Variants in DERA observed in about 807,000 individuals in gnomAD.
DERA encodes the protein 2-deoxy-D-ribose 5-phosphate aldolase.
DERA carries 15 observed loss-of-function variants against 41.1 expected under a neutral mutation model. The observed-to-expected ratio is 0.37, with a 90% CI of 0.24 to 0.56. The LOEUF (loss-of-function observed/expected upper bound fraction) is 0.56, where lower values mean the gene tolerates loss of function less well. Among genes scored for constraint, DERA ranks in the 20% least tolerant of loss-of-function variants. The probability of loss-of-function intolerance (pLI) is 0.81; values close to 1 mark genes in which losing one functional copy is unlikely to be tolerated. For synonymous variants in DERA, 139 were observed against 137.4 expected, an observed-to-expected ratio of 1.01 and a Z score of -0.08; for missense variants, 396 against 403.4, an observed-to-expected ratio of 0.98 and a Z score of 0.16.
chr12:15,977,776 T>C (rs991076219), intron 5 of DERA, among the ~76,000 whole-genome samples: 4 of 152,188 alleles, frequency 2.6e-5, no homozygotes, highest in Admixed American at 1.3e-4. Context: ...ATGCTTCACA[T>C]GGGAAGTGTG....
chr12:15,919,865 C>G (rs144922312), intron 1 of DERA, among the ~76,000 whole-genome samples: 173 of 152,232 alleles, frequency 1.1e-3, no homozygotes, highest in African/African-American at 4.0e-3. Flanking sequence ...ATGCTAAGGT[C>G]TTTAAAGTCT....
At chr12:15,997,697 C>T (rs1385955889) in intron 6 of DERA, among the ~76,000 whole-genome samples, 1 of 152,066 alleles carries the variant, frequency 6.6e-6, no homozygotes, top group African/African-American at 2.4e-5. Context: ...CCATAAAATC[C>T]ATTGATTGTA....
chr12:15,937,355 A>G (rs1486527776), intron 1 of DERA, among the ~76,000 whole-genome samples: 2 of 152,242 alleles, frequency 1.3e-5, no homozygotes, highest in African/African-American at 4.8e-5. Context: ...TGTATTTTAC[A>G]TATCATATCA....
chr12:15,963,008 A>G, intron 5 of DERA, 61 bp downstream of exon 5: 1 of 1,556,488 alleles, frequency 6.4e-7, no homozygotes, highest in Non-Finnish European at 8.7e-7. Flanking sequence ...TCAGATGATG[A>G]GGTAAGATGT....
chr12:16,027,806 A>G (rs543316315), intron 6 of DERA, among the ~76,000 whole-genome samples: 8 of 152,210 alleles, frequency 5.3e-5, no homozygotes, highest in Non-Finnish European at 1.0e-4. Flanking sequence ...GTCTTTGTTT[A>G]CAAACATGAT....
At position 15,957,730 on chromosome 12, in the gene DERA, G is replaced by A. The variant is rs1434117999; in HGVS notation, c.130-458G>A. 6.6e-6 allele frequency among the ~76,000 whole-genome samples: 1 copy of A among 152,158 alleles called. No homozygotes were observed. Among genetic ancestry groups the A allele is most frequent in the East Asian group, 1.9e-4 (1 of 5,196 alleles). On this transcript the variant is annotated intron_variant, in intron 2 of 8. Coordinates refer to ENST00000428559, the MANE Select transcript of DERA (RefSeq NM_015954.4). This position sits in a 1 kb window ranked among gnomAD's most constrained non-coding sequence, Gnocchi z 4.8. ...AAATATGAATATTGTTTTAAAAATG[G>A]AATTGGATTAAATTGAAAAAACACC...
chr12:15,978,894 T>G (rs1948715816), intron 5 of DERA, among the ~76,000 whole-genome samples: 1 of 152,212 alleles, frequency 6.6e-6, no homozygotes, highest in African/African-American at 2.4e-5. Flanking sequence ...TGTCCTTATC[T>G]ATTCGTGTGT....
chr12:15,937,664 T>C (rs1286735258), intron 1 of DERA, among the ~76,000 whole-genome samples: 4 of 152,224 alleles, frequency 2.6e-5, no homozygotes, highest in Admixed American at 1.3e-4. Flanking sequence ...GTTTTTCTTC[T>C]CCCTTCTCCT....
intron 1 of DERA, among the ~76,000 whole-genome samples, chr12:15,934,357 C>T (rs968194931): frequency 7.2e-5 from 11 of 152,140 alleles, no homozygotes; most frequent in Admixed American, 6.5e-4. Context: ...GAGGCCGAGG[C>T]GGGTGAATCA....
At chr12:15,946,671 A>C (rs951065892) in intron 1 of DERA, among the ~76,000 whole-genome samples, 1 of 152,028 alleles carries the variant, frequency 6.6e-6, no homozygotes, top group African/African-American at 2.4e-5. Context: ...CTTTTCAAAA[A>C]ACCAGCTCCT....
chr12:15,939,389 T>A (rs1488021234), intron 1 of DERA, among the ~76,000 whole-genome samples: 2 of 152,180 alleles, frequency 1.3e-5, no homozygotes, highest in Non-Finnish European at 2.9e-5. Context: ...TGTTTTGTGG[T>A]GGTTGTTATG....
At position 15,966,705 on chromosome 12, in the gene DERA, C is replaced by T. The variant is rs957598591; in HGVS notation, c.508+3758C>T. Among the ~76,000 whole-genome samples the T allele has an allele frequency of 6.6e-6, 1 of 152,022 alleles. No individual in the cohort carries two copies. The highest frequency in any genetic ancestry group is 2.4e-5 in the African/African-American group (1 of 41,388). Reference sequence around the variant, plus strand: ...TCCTTTCTGTTTCTGATTACCCCTGCGTCTCATTTGCAAGCTCCTTCACCT... The same window carrying T: ...TCCTTTCTGTTTCTGATTACCCCTGTGTCTCATTTGCAAGCTCCTTCACCT... On this transcript the variant is annotated intron_variant, in intron 5 of 8. Coordinates refer to ENST00000428559, the MANE Select transcript of DERA (RefSeq NM_015954.4). This position sits in a 1 kb window ranked among gnomAD's most constrained non-coding sequence, Gnocchi z 5.1.
In DERA at chr12:16,009,903, G is replaced by T. The variant is rs1050510663; in HGVS notation, c.638-22639G>T. 6.6e-6 allele frequency among the ~76,000 whole-genome samples: 1 copy of T among 152,166 alleles called. No individual in the cohort carries two copies. Among genetic ancestry groups the T allele is most frequent in the African/African-American group, 2.4e-5 (1 of 41,444 alleles). On this transcript the variant is annotated intron_variant, in intron 6 of 8. Transcript: ENST00000428559. This position sits in a 1 kb window ranked among gnomAD's most constrained non-coding sequence, Gnocchi z 5.3. The stretch of plus-strand genomic sequence containing the variant: ...AAACCCTAACTTTGGCAGTATACAT[G>T]TTAAGAAACTATTTATATTGTTTTC...
rs907115494 is a variant in DERA, at chr12:15,976,624, C to T, written c.509-5684C>T. ...AGAGGCTCTTTCATCTTAATTATAA[C>T]AGCTTAAACTTTTAGAGTAAGTCAA... On this transcript the variant is annotated intron_variant, in intron 5 of 8. Transcript: ENST00000428559. This position sits in a 1 kb window ranked among gnomAD's most constrained non-coding sequence, Gnocchi z 4.1. Among the ~76,000 whole-genome samples the T allele has an allele frequency of 6.6e-6, 1 of 152,196 alleles. No homozygotes were observed. Among genetic ancestry groups the T allele is most frequent in the Non-Finnish European group, 1.5e-5 (1 of 68,042 alleles).
chr12:15,941,538 C>T lies in DERA; in HGVS notation c.32-15398C>T, dbSNP rs1948408850. Among the ~76,000 whole-genome samples the T allele has an allele frequency of 6.6e-6, 1 of 152,112 alleles. No homozygotes were observed. The highest frequency in any genetic ancestry group is 2.4e-5 in the African/African-American group (1 of 41,412). On this transcript the variant is annotated intron_variant, in intron 1 of 8. Transcript: ENST00000428559. This position sits in a 1 kb window ranked among gnomAD's most constrained non-coding sequence, Gnocchi z 4.5. Reference sequence around the variant, plus strand: ...ATTCCTCACCCCTCCCTATTCTCTCCCGCTGAATCCTCAGAGTTCGCTATA... The same window carrying T: ...ATTCCTCACCCCTCCCTATTCTCTCTCGCTGAATCCTCAGAGTTCGCTATA...
chr12:15,973,345 T>C (rs189777748), intron 5 of DERA, among the ~76,000 whole-genome samples: 2 of 152,354 alleles, frequency 1.3e-5, no homozygotes, highest in East Asian at 3.9e-4. Flanking sequence ...CTCTGGTGTA[T>C]GTGTTTTGTT....
At chr12:15,946,191 C>G (rs186253941) in intron 1 of DERA, among the ~76,000 whole-genome samples, 1 of 151,998 alleles carries the variant, frequency 6.6e-6, no homozygotes, top group Non-Finnish European at 1.5e-5. Context: ...AAAATTCTCT[C>G]TTTTTGTTGT....
Position 15,982,436 on chromosome 12 carries a change from GGTAA to G in DERA, c.637+3_637+6del, listed in dbSNP as rs754169881. ...AGCCAGTATGATAGCAATGATGGCA[GGTAA>G]GTGTTTTATGTTCAAATAATGTTTT... On this transcript the variant is annotated splice_donor_variant and splice_donor_region_variant and intron_variant, in intron 6 of 8. Transcript: ENST00000428559. LOFTEE classifies it high-confidence loss of function. This position sits in a 1 kb window ranked among gnomAD's most constrained non-coding sequence, Gnocchi z 4.0. 1.3e-5 allele frequency: 21 copies of G among 1,600,388 alleles called. No individual in the cohort carries two copies. Among genetic ancestry groups the G allele is most frequent in the Non-Finnish European group, 1.7e-5 (20 of 1,176,202 alleles).
In DERA at chr12:16,003,189, C is replaced by G. The variant is rs539292402; in HGVS notation, c.637+20753C>G. On this transcript the variant is annotated intron_variant, in intron 6 of 8. Coordinates refer to ENST00000428559, the MANE Select transcript of DERA (RefSeq NM_015954.4). The surrounding 1 kb of genome is among the most constrained non-coding windows in gnomAD (Gnocchi z 4.8). ...TTTCTTGGCTTGTAGAAGCCTCACC[C>G]TGGTCTCTGCCTTTGTGATGATATG... Among the ~76,000 whole-genome samples, 1 of 152,164 alleles carries G rather than the reference C, an allele frequency of 6.6e-6. No homozygotes were observed. The highest frequency in any genetic ancestry group is 2.4e-5 in the African/African-American group (1 of 41,414).
Sources: gnomAD v4.1 joint callset for allele counts (sites outside exome capture counted in the v4.1 genomes callset) on GRCh38, gnomAD v4.1.1 for gene constraint, Gnocchi (gnomAD v3.1) non-coding constraint, MANE v1.5 for transcripts, NCBI Gene and HGNC (gene_info 2026-07-23, HGNC 2026-07-21) for gene names.